Variants in EYA4 observed in about 807,000 individuals in gnomAD.
EYA4 encodes EYA transcriptional coactivator and phosphatase 4, also known as protein phosphatase EYA4.
Under a neutral mutation model 87.9 loss-of-function variants are expected in EYA4, and 31 were observed. The observed-to-expected ratio is 0.35, with a 90% CI of 0.27 to 0.48. The LOEUF is 0.48. Ranked by LOEUF, EYA4 falls within the 20% of genes least tolerant of loss-of-function variation. The probability of loss-of-function intolerance (pLI) is 0.99; values close to 1 mark genes in which losing one functional copy is unlikely to be tolerated. For missense variants in EYA4, 678 were observed against 761.4 expected (o/e 0.89, Z 1.29); for synonymous variants, 263 against 270.6 (o/e 0.97, Z 0.28).
At chr6:133,481,278 C>T (rs1796196072) in intron 11 of EYA4, among the ~76,000 whole-genome samples, 185 bp from the exon 12 acceptor site, 2 of 152,120 alleles carry the variant, frequency 1.3e-5, no homozygotes, top group Admixed American at 1.3e-4. Context: ...TAGATTACAA[C>T]TAGTAGGAGT....
intron 13 of EYA4, among the ~76,000 whole-genome samples, chr6:133,499,388 C>A (rs1411127899): frequency 6.6e-6 from 1 of 152,108 alleles, no homozygotes; most frequent in East Asian, 1.9e-4. Flanking sequence ...TCTTTCCATC[C>A]AAGTACCATG....
intron 2 of EYA4, among the ~76,000 whole-genome samples, chr6:133,332,531 C>G (rs1383709863): frequency 6.6e-6 from 1 of 151,950 alleles, no homozygotes; most frequent in Non-Finnish European, 1.5e-5. Context: ...AGACTTCTTC[C>G]ACTTTGAGGC....
intron 14 of EYA4, chr6:133,511,799 A>G (rs1799163462): frequency 6.6e-6 from 1 of 152,032 alleles, no homozygotes; most frequent in African/African-American, 2.4e-5. Flanking sequence ...GTAAAACATC[A>G]TCTCTAGTAA....
At chr6:133,398,234 T>G (rs1430141273) in intron 3 of EYA4, among the ~76,000 whole-genome samples, 1 of 152,234 alleles carries the variant, frequency 6.6e-6, no homozygotes, top group Non-Finnish European at 1.5e-5. Flanking sequence ...CAAACTGGTT[T>G]TGCAAACCAT....
intron 3 of EYA4, among the ~76,000 whole-genome samples, chr6:133,392,510 G>T (rs576281399): frequency 6.6e-6 from 1 of 152,268 alleles, no homozygotes; most frequent in South Asian, 2.1e-4. Context: ...TGACTCAGGT[G>T]CTTGGAGGCA....
At chr6:133,301,697 G>A (rs956385349) in intron 2 of EYA4, among the ~76,000 whole-genome samples, 4 of 152,354 alleles carry the variant, frequency 2.6e-5, no homozygotes, top group South Asian at 2.1e-4. Context: ...ATGAGAGCTA[G>A]TAAGTATCGG....
chr6:133,349,237 C>T (rs890339265), intron 2 of EYA4, among the ~76,000 whole-genome samples: 6 of 152,186 alleles, frequency 3.9e-5, no homozygotes, highest in Non-Finnish European at 8.8e-5. Flanking sequence ...AGCATTCATT[C>T]CTCAACTGCT....
In EYA4 at chr6:133,506,338, T is replaced by G. The variant is rs1798619126; in HGVS notation, c.1281+143T>G. On this transcript the variant is annotated intron_variant, in intron 14 of 19. Coordinates refer to ENST00000355286, the MANE Select transcript of EYA4 (RefSeq NM_004100.5). ...TAAAGTTCTTGTCAAGAGGAAAAAT[T>G]GTATATACAAATATAAGCAGAAAGT... 80 of 593,134 alleles carry G rather than the reference T, an allele frequency of 1.3e-4. 4 individuals carry two copies. The South Asian group carries it at 1.6e-3, about 12-fold the overall frequency. 36.7% of individuals were successfully genotyped at this position (593,134 alleles called of 1,614,324 possible).
chr6:133,508,134 T>C (rs956671501), intron 14 of EYA4, among the ~76,000 whole-genome samples: 32 of 152,154 alleles, frequency 2.1e-4, no homozygotes, highest in African/African-American at 7.0e-4. Flanking sequence ...CATTTTGCTG[T>C]TGTTGTTGTT....
chr6:133,492,778 A>G (rs752548126), intron 13 of EYA4, among the ~76,000 whole-genome samples: 1 of 152,254 alleles, frequency 6.6e-6, no homozygotes, highest in African/African-American at 2.4e-5. Context: ...ATCAATCAAC[A>G]TACAAAAATC....
At chr6:133,429,498 T>C (rs1028932307) in intron 3 of EYA4, among the ~76,000 whole-genome samples, 1 of 152,056 alleles carries the variant, frequency 6.6e-6, no homozygotes, top group Non-Finnish European at 1.5e-5. Context: ...AGACACACCA[T>C]GGATTCTAAT....
chr6:133,339,974 A>C (rs1394532980), intron 2 of EYA4, among the ~76,000 whole-genome samples: 2 of 152,190 alleles, frequency 1.3e-5, no homozygotes, highest in African/African-American at 4.8e-5. Flanking sequence ...GCTAAAAACA[A>C]CAAGTAGGTT....
At chr6:133,248,642 G>C (rs936182396) in intron 1 of EYA4, 7 of 152,210 alleles carry the variant, frequency 4.6e-5, no homozygotes, top group African/African-American at 1.7e-4. Context: ...GGAATCAGCA[G>C]ATCTCTACAT....
chr6:133,368,989 C>T (rs555457828), intron 2 of EYA4, among the ~76,000 whole-genome samples: 1 of 152,248 alleles, frequency 6.6e-6, no homozygotes, highest in African/African-American at 2.4e-5. Context: ...CTGTACGTCA[C>T]TGTATCATTT....
intron 1 of EYA4, chr6:133,247,170 C>T (rs769251004): frequency 1.3e-4 from 20 of 152,172 alleles, no homozygotes; most frequent in South Asian, 1.2e-3. Context: ...TCTGAAGAAA[C>T]GTATTAAGTA....
At position 133,529,465 on chromosome 6, in the gene EYA4, G is replaced by A. The variant is rs1800875968; in HGVS notation, c.*660G>A. The stretch of plus-strand genomic sequence containing the variant: ...TCATACTGATGTGTTGTGCCTTAAA[G>A]ACAAGACAGCATTTGTGTGTTACAA... On this transcript the variant is annotated 3_prime_UTR_variant, in exon 20 of 20. Coordinates refer to ENST00000355286, the MANE Select transcript of EYA4 (RefSeq NM_004100.5). 1 of 982,380 alleles carries A rather than the reference G, an allele frequency of 1.0e-6. No individual in the cohort carries two copies. Among genetic ancestry groups the A allele is most frequent in the Non-Finnish European group, 1.2e-6 (1 of 829,804 alleles). 60.9% of individuals were successfully genotyped at this position (982,380 alleles called of 1,614,324 possible).
At chr6:133,314,044 G>A (rs1448735299) in intron 2 of EYA4, among the ~76,000 whole-genome samples, 2 of 152,118 alleles carry the variant, frequency 1.3e-5, no homozygotes, top group Non-Finnish European at 2.9e-5. Context: ...CTTATTTTAA[G>A]TTGTAGAAAG....
At chr6:133,341,723 GACAA>G (rs1451811302) in intron 2 of EYA4, among the ~76,000 whole-genome samples, 1 of 151,856 alleles carries the variant, frequency 6.6e-6, no homozygotes, top group African/African-American at 2.4e-5. Context: ...AGATAAGCAG[GACAA>G]ACAATCTCCA....
chr6:133,420,452 G>A (rs1790122092), intron 3 of EYA4, among the ~76,000 whole-genome samples: 1 of 152,146 alleles, frequency 6.6e-6, no homozygotes, highest in Admixed American at 6.5e-5. Flanking sequence ...TTCCTTGTTA[G>A]GACAAGAGCT....
Sources: allele counts gnomAD v4.1 joint callset (sites outside exome capture counted in the v4.1 genomes callset), GRCh38; gene constraint gnomAD v4.1.1; transcripts MANE v1.5; gene names NCBI Gene and HGNC (gene_info 2026-07-23, HGNC 2026-07-21).